The following PYGO1 variants were observed in gnomAD, a reference collection of about 807,000 sequenced individuals.
PYGO1 encodes pygopus family PHD finger 1.
In PYGO1, 6 loss-of-function variants were observed where a neutral mutation model predicts 29.5. The observed-to-expected ratio is 0.20, with a 90% CI of 0.11 to 0.40. The LOEUF (loss-of-function observed/expected upper bound fraction) is 0.40. PYGO1 is among the 10% of genes least tolerant of loss of function. The probability of loss-of-function intolerance (pLI) is 1.00; values close to 1 mark genes in which losing one functional copy is unlikely to be tolerated. For synonymous variants in PYGO1, 186 were observed against 180.5 expected (o/e 1.03, Z -0.24); for missense variants, 515 against 514.9 (o/e 1.00, Z 0.00).
rs901213331 is a variant in PYGO1, at chr15:55,545,643, A to G, written c.*380T>C. The G allele has an allele frequency of 6.3e-6, 1 of 159,792 alleles. No homozygotes were observed. Among genetic ancestry groups the G allele is most frequent in the Non-Finnish European group, 1.4e-5 (1 of 73,192 alleles). 9.9% of individuals were successfully genotyped at this position (159,792 alleles called of 1,614,324 possible). ...AAGTGGATCCTTGATAAACTTTTTG[A>G]ACTAAATCTTTAATATGGTACAACC... On this transcript the variant is annotated 3_prime_UTR_variant, in exon 3 of 3. Coordinates refer to ENST00000563719, the MANE Select transcript of PYGO1 (RefSeq NM_001367806.1).
chr15:55,548,998 A>G lies in PYGO1; in HGVS notation c.50-3T>C, dbSNP rs1386940580. The G allele has an allele frequency of 1.6e-6, 1 of 644,350 alleles. No individual in the cohort carries two copies. Among genetic ancestry groups the G allele is most frequent in the East Asian group, 5.8e-5 (1 of 17,370 alleles). 39.9% of individuals were successfully genotyped at this position (644,350 alleles called of 1,614,324 possible). ...CCCATCCAGTCCACTATCACCACCT[A>G]AAAAAAAAAAAATTCAGGTAATATT... On this transcript the variant is annotated splice_polypyrimidine_tract_variant and splice_region_variant and intron_variant, in intron 1 of 2. Coordinates refer to ENST00000563719, the MANE Select transcript of PYGO1 (RefSeq NM_001367806.1).
chr15:55,580,440 G>A (rs540090791), intron 1 of PYGO1, among the ~76,000 whole-genome samples: 2 of 152,320 alleles, frequency 1.3e-5, no homozygotes, highest in South Asian at 4.1e-4. Flanking sequence ...TACACAGAAT[G>A]TGTATTTTAG....
intron 1 of PYGO1, among the ~76,000 whole-genome samples, chr15:55,576,612 A>C (rs2059003434): frequency 6.6e-6 from 1 of 150,674 alleles, no homozygotes. Flanking sequence ...CTCTACTAAA[A>C]GTACAAAAAT....
chr15:55,582,828 T>C (rs1356029771), intron 1 of PYGO1, among the ~76,000 whole-genome samples: 1 of 152,182 alleles, frequency 6.6e-6, no homozygotes, highest in Non-Finnish European at 1.5e-5. Context: ...CTTCAGACTT[T>C]CTCTCACAGG....
In PYGO1 at chr15:55,544,979, G is replaced by C. The variant is rs896716348; in HGVS notation, c.*1044C>G. The C allele has an allele frequency of 1.3e-5, 2 of 152,254 alleles. No homozygotes were observed. The highest frequency in any genetic ancestry group is 2.4e-5 in the African/African-American group (1 of 41,556). 9.4% of individuals were successfully genotyped at this position (152,254 alleles called of 1,614,324 possible). A position where few individuals can be genotyped will look rare whatever the true frequency, so the allele number is the denominator to read the frequency against. On this transcript the variant is annotated 3_prime_UTR_variant, in exon 3 of 3. Coordinates refer to ENST00000563719, the MANE Select transcript of PYGO1 (RefSeq NM_001367806.1). Reference sequence around the variant, plus strand: ...GCTGCAAGGCTTCAAATTGTTGTTTGCAAGTTAGATTTCACTTTGGCTCTT... The same window carrying C: ...GCTGCAAGGCTTCAAATTGTTGTTTCCAAGTTAGATTTCACTTTGGCTCTT...
upstream of PYGO1, chr15:55,588,914 G>C: frequency 6.9e-7 from 1 of 1,439,208 alleles, no homozygotes; most frequent in Non-Finnish European, 9.8e-7. Context: ...CCTGTCTGTA[G>C]AATGCCTCCA....
At chr15:55,547,683 G>C (rs970948536) in intron 2 of PYGO1, among the ~76,000 whole-genome samples, 1 of 152,182 alleles carries the variant, frequency 6.6e-6, no homozygotes, top group Non-Finnish European at 1.5e-5. Flanking sequence ...TAGTCACACT[G>C]CAAGTTTAAC....
At chr15:55,588,826 G>T (rs752639263), upstream of PYGO1, 30 of 1,613,816 alleles carry the variant, frequency 1.9e-5, no homozygotes, top group Non-Finnish European at 2.4e-5. Context: ...CTTTGTAAGC[G>T]GGAGCTGGAG....
chr15:55,588,186 C>T lies in PYGO1; in HGVS notation c.-303G>A, dbSNP rs527489864. 0.023 allele frequency: 5,739 copies of T among 246,846 alleles called. 73 individuals are homozygous for T. Among genetic ancestry groups the T allele is most frequent in the Middle Eastern group, 0.066 (34 of 516 alleles). 15.3% of individuals were successfully genotyped at this position (246,846 alleles called of 1,614,324 possible). ...CCGGCATGTGCTGAGGGCGAGTGCG[C>T]CGCCGCCGCCGCCGCCTCCTCCCAC... is the stretch of plus-strand genomic sequence containing the variant. On this transcript the variant is annotated 5_prime_UTR_variant, in exon 1 of 3. Coordinates refer to ENST00000563719, the MANE Select transcript of PYGO1 (RefSeq NM_001367806.1).
At chr15:55,577,353 C>T (rs1482039270) in intron 1 of PYGO1, among the ~76,000 whole-genome samples, 2 of 152,140 alleles carry the variant, frequency 1.3e-5, no homozygotes, top group East Asian at 3.9e-4. Flanking sequence ...TCACGTCTAC[C>T]TAAAATGTAT....
intron 1 of PYGO1, among the ~76,000 whole-genome samples, chr15:55,584,926 T>G (rs2059040263): frequency 1.3e-5 from 2 of 152,200 alleles, no homozygotes; most frequent in Non-Finnish European, 2.9e-5. Context: ...TTCTCAAACT[T>G]CAGTATGCAT....
Position 55,549,014 on chromosome 15 carries a change from A to C in PYGO1, c.50-19T>G. On this transcript the variant is annotated intron_variant, in intron 1 of 2. Transcript: ENST00000563719. ...TCACCACCTAAAAAAAAAAAAATTC[A>C]GGTAATATTTCCCACTTGTAAGTGA... 1 of 1,566,506 alleles carries C rather than the reference A, an allele frequency of 6.4e-7. No individual in the cohort carries two copies.
chr15:55,548,529 A>C (rs1445204792), intron 2 of PYGO1, among the ~76,000 whole-genome samples: 1 of 151,546 alleles, frequency 6.6e-6, no homozygotes, highest in Non-Finnish European at 1.5e-5. Context: ...AACATGGTGA[A>C]AGCCCGTCTC....
chr15:55,574,364 ACCTT>A (rs1192240825), intron 1 of PYGO1, among the ~76,000 whole-genome samples: 1 of 152,168 alleles, frequency 6.6e-6, no homozygotes, highest in Non-Finnish European at 1.5e-5. Flanking sequence ...ATCATTGTTT[ACCTT>A]CCTCTCTACT....
rs374943202 is a variant in PYGO1, at chr15:55,546,556, G to C, written c.727C>G (p.Gln243Glu). 8.7e-6 allele frequency: 14 copies of C among 1,613,978 alleles called. No homozygotes were observed. In the African/African-American group the frequency reaches 1.5e-4, roughly 17 times the overall value. Reference sequence around the variant, plus strand: ...TGATTAGTGTTTTTGGTTGCTCCTTGAGTAAAGTCTTGTTTTGGGGGTGGT... The same window carrying C: ...TGATTAGTGTTTTTGGTTGCTCCTTCAGTAAAGTCTTGTTTTGGGGGTGGT... ...KAPPPKQDFT[Q>E]GATKNTNQNS... is the part of the protein sequence containing the mutation. The change falls in exon 3 of 3, where the codon CAA becomes GAA. Residue 243 changes from glutamine to glutamate, a missense_variant. Coordinates refer to ENST00000563719, the MANE Select transcript of PYGO1 (RefSeq NM_001367806.1).
At chr15:55,574,118 G>A (rs74880835) in intron 1 of PYGO1, among the ~76,000 whole-genome samples, 4,152 of 152,160 alleles carry the variant, frequency 0.027, 197 homozygotes, top group African/African-American at 0.095. Context: ...TAAGGTTTAT[G>A]GTACAGCACT....
chr15:55,568,129 G>A (rs1392291456), intron 1 of PYGO1, among the ~76,000 whole-genome samples: 1 of 152,108 alleles, frequency 6.6e-6, no homozygotes, highest in African/African-American at 2.4e-5. Context: ...ATTGTAGTTT[G>A]ATAGAAATAG....
intron 2 of PYGO1, 29 bp from the exon 3 acceptor site, chr15:55,547,176 T>C (rs771221315): frequency 2.2e-5 from 33 of 1,525,658 alleles, no homozygotes; most frequent in Non-Finnish European, 2.7e-5. Context: ...GTAAAATACA[T>C]GTTTTCGATC....
intron 1 of PYGO1, among the ~76,000 whole-genome samples, chr15:55,567,740 T>C (rs2058963166): frequency 6.6e-6 from 1 of 152,178 alleles, no homozygotes; most frequent in Non-Finnish European, 1.5e-5. Context: ...TTTGAGGCCT[T>C]AGATTTAAAT....
Sources: allele counts gnomAD v4.1 joint callset (sites outside exome capture counted in the v4.1 genomes callset), GRCh38; gene constraint gnomAD v4.1.1; transcripts MANE v1.5; gene names NCBI Gene and HGNC (gene_info 2026-07-23, HGNC 2026-07-21).